Variants in CTNNA2 observed in about 807,000 individuals in gnomAD.
The protein encoded by CTNNA2 is catenin alpha 2.
A neutral mutation model predicts 101.0 loss-of-function variants in CTNNA2; 42 were observed. The ratio of observed to expected loss-of-function variants is 0.42; its 90% CI spans 0.32 to 0.54. The LOEUF is 0.54. Among genes scored for constraint, CTNNA2 ranks in the 20% least tolerant of loss-of-function variants. The pLI is 0.14. For synonymous variants in CTNNA2, 450 were observed against 456.4 expected (o/e 0.99, Z 0.18); for missense variants, 871 against 1,223.1 (o/e 0.71, Z 4.29).
At chr2:79,743,789 C>G (rs982769328) in intron 2 of CTNNA2, among the ~76,000 whole-genome samples, 1 of 152,146 alleles carries the variant, frequency 6.6e-6, no homozygotes, top group African/African-American at 2.4e-5. Flanking sequence ...CTGCCTCAGC[C>G]TCCCAAAGTG....
intron 18 of CTNNA2, among the ~76,000 whole-genome samples, chr2:80,639,537 G>GTGTGTGTGTGTGTT (rs1176934289): frequency 6.6e-6 from 1 of 151,816 alleles, no homozygotes; most frequent in Non-Finnish European, 1.5e-5. Context: ...GTGTGTGTGT[G>GTGTGTGTGTGTGTT]TGTCTGTGTT....
chr2:79,887,659 A>G (rs1293231313), intron 6 of CTNNA2, among the ~76,000 whole-genome samples: 1 of 152,164 alleles, frequency 6.6e-6, no homozygotes, highest in African/African-American at 2.4e-5. Flanking sequence ...TGTGCTTAGC[A>G]TGCTCTTTTT....
At chr2:80,119,313 G>A (rs1701702310) in intron 7 of CTNNA2, among the ~76,000 whole-genome samples, 2 of 152,158 alleles carry the variant, frequency 1.3e-5, no homozygotes, top group African/African-American at 4.8e-5. Context: ...TATTTCATTA[G>A]CTAGATTGGG....
At position 79,473,335 on chromosome 2, in the gene CTNNA2, C is replaced by CA. The variant is rs1671020624; in HGVS notation, c.-134-31712dup. ...ATAATTTTGAAAAATTAAAAAAAGA[C>CA]AAAAAAATCACAAATCCAAGAAACT... is the stretch of plus-strand genomic sequence containing the variant. On this transcript the variant is annotated intron_variant, in intron 4 of 21. Coordinates refer to the CTNNA2 transcript ENST00000466387. Among the ~76,000 whole-genome samples, 3 of 151,790 alleles carry CA rather than the reference C, an allele frequency of 2.0e-5. No homozygotes were observed. The South Asian group carries it at 6.2e-4, about 32-fold the overall frequency.
intron 17 of CTNNA2, among the ~76,000 whole-genome samples, chr2:80,609,887 C>A (rs1698320897): frequency 6.6e-6 from 1 of 151,702 alleles, no homozygotes; most frequent in South Asian, 2.1e-4. Context: ...TCACTGCCTC[C>A]AAAGCTTCAT....
intron 12 of CTNNA2, chr2:80,572,709 T>C (rs183377589): frequency 6.6e-6 from 1 of 152,360 alleles, no homozygotes; most frequent in African/African-American, 2.4e-5. Context: ...TAGTTTTATT[T>C]GATTCATATT....
chr2:79,286,221 G>T (rs982919770), intron 2 of CTNNA2, among the ~76,000 whole-genome samples: 13 of 152,118 alleles, frequency 8.5e-5, no homozygotes, highest in Non-Finnish European at 1.9e-4. Context: ...TTGCCAGTCT[G>T]TGTCTTTTAA....
At chr2:79,678,948 C>G (rs1406500217) in intron 2 of CTNNA2, among the ~76,000 whole-genome samples, 1 of 152,184 alleles carries the variant, frequency 6.6e-6, no homozygotes, top group Non-Finnish European at 1.5e-5. Context: ...TGGAATGTTT[C>G]TGCCACCACT....
chr2:79,410,947 G>A (rs1049716384), intron 4 of CTNNA2, among the ~76,000 whole-genome samples: 3 of 152,112 alleles, frequency 2.0e-5, no homozygotes, highest in Non-Finnish European at 2.9e-5. Flanking sequence ...TTTTTGGTTA[G>A]TAAGCTATTG....
intron 2 of CTNNA2, among the ~76,000 whole-genome samples, chr2:79,665,643 A>G (rs1682363789): frequency 6.6e-6 from 1 of 152,214 alleles, no homozygotes; most frequent in African/African-American, 2.4e-5. Flanking sequence ...AAATATTTTT[A>G]AACATTAATG....
At chr2:79,610,862 T>C (rs1678225030) in intron 1 of CTNNA2, among the ~76,000 whole-genome samples, 1 of 152,218 alleles carries the variant, frequency 6.6e-6, no homozygotes, top group Non-Finnish European at 1.5e-5. Context: ...TGTACTAGAA[T>C]AAAGTTGTTA....
At position 79,373,764 on chromosome 2, in the gene CTNNA2, A is replaced by G. The variant is rs1677924535; in HGVS notation, c.-317-67A>G. The G allele has an allele frequency of 2.0e-5, 3 of 152,310 alleles. No homozygotes were observed. In the South Asian group the frequency reaches 6.2e-4, roughly 32 times the overall value. The allele number at this position is 152,310 out of a possible 1,614,324, so 9.4% of individuals were successfully genotyped here. A position where few individuals can be genotyped will look rare whatever the true frequency, so the allele number is the denominator to read the frequency against. On this transcript the variant is annotated intron_variant, in intron 3 of 21. Coordinates refer to the CTNNA2 transcript ENST00000466387. ...TACATGTGCTTTATGGTGTCTAATCACATTCATTATCATATTTAATTCTCA... is the reference window on the plus strand; with the variant it reads ...TACATGTGCTTTATGGTGTCTAATCGCATTCATTATCATATTTAATTCTCA...
intron 4 of CTNNA2, among the ~76,000 whole-genome samples, chr2:79,421,807 TAA>T (rs1678542764): frequency 6.6e-6 from 1 of 152,142 alleles, no homozygotes; most frequent in Admixed American, 6.5e-5. Context: ...AGGAGAACAC[TAA>T]ATCGAGTAGC....
chr2:79,687,767 C>G (rs979245778), intron 2 of CTNNA2: 31 of 477,838 alleles, frequency 6.5e-5, no homozygotes, highest in African/African-American at 6.1e-4. Context: ...TGAAAATTAA[C>G]TGAAGATGTT....
At chr2:80,455,390 G>A (rs1683881691) in intron 9 of CTNNA2, among the ~76,000 whole-genome samples, 1 of 152,164 alleles carries the variant, frequency 6.6e-6, no homozygotes, top group African/African-American at 2.4e-5. Flanking sequence ...TGAGAAGGCA[G>A]GACTTTGTGG....
At chr2:79,683,490 T>C (rs1162532882) in intron 2 of CTNNA2, among the ~76,000 whole-genome samples, 1 of 152,222 alleles carries the variant, frequency 6.6e-6, no homozygotes, top group East Asian at 1.9e-4. Context: ...CTCTTTTGTT[T>C]AGAAGTGTTG....
At chr2:79,328,727 C>A (rs1676804281) in intron 3 of CTNNA2, among the ~76,000 whole-genome samples, 1 of 152,126 alleles carries the variant, frequency 6.6e-6, no homozygotes, top group Non-Finnish European at 1.5e-5. Flanking sequence ...TACAATGGGC[C>A]TGTCCTAGTT....
chr2:80,505,510 A>AT (rs1388139657), intron 9 of CTNNA2, among the ~76,000 whole-genome samples: 2 of 152,202 alleles, frequency 1.3e-5, no homozygotes, highest in Non-Finnish European at 2.9e-5. Flanking sequence ...CATATCAACA[A>AT]TTGTCCACTT....
chr2:80,272,127 A>G (rs769770983), intron 7 of CTNNA2, among the ~76,000 whole-genome samples: 4 of 152,266 alleles, frequency 2.6e-5, no homozygotes, highest in Non-Finnish European at 5.9e-5. Flanking sequence ...TTTAGAAAGT[A>G]CTTTTCAACT....
Sources: allele counts gnomAD v4.1 joint callset (sites outside exome capture counted in the v4.1 genomes callset), GRCh38; gene constraint gnomAD v4.1.1; transcripts MANE v1.5; gene names NCBI Gene and HGNC (gene_info 2026-07-23, HGNC 2026-07-21).